Variants in DLG2 observed in about 807,000 individuals in gnomAD.
DLG2 encodes the protein discs large MAGUK scaffold protein 2, also known as disks large homolog 2.
In DLG2, 45 loss-of-function variants were observed where a neutral mutation model predicts 132.5. That is an observed-to-expected ratio of 0.34 (90% confidence interval 0.27 to 0.44). DLG2 has a LOEUF of 0.44. DLG2 is among the 20% of genes least tolerant of loss of function. The probability of loss-of-function intolerance (pLI) is 1.00; values close to 1 mark genes in which losing one functional copy is unlikely to be tolerated. For missense variants in DLG2, 1,045 were observed against 1,196.9 expected, an observed-to-expected ratio of 0.87 and a Z score of 1.87; for synonymous variants, 424 against 419.6, an observed-to-expected ratio of 1.01 and a Z score of -0.13.
chr11:85,411,064 A>G (rs1245990019), intron 3 of DLG2, among the ~76,000 whole-genome samples: 1 of 151,830 alleles, frequency 6.6e-6, no homozygotes, highest in African/African-American at 2.4e-5. Context: ...GGTAAGTGAA[A>G]GGGAAATAAA....
chr11:85,484,729 T>C (rs1355685510), intron 3 of DLG2, among the ~76,000 whole-genome samples: 2 of 150,608 alleles, frequency 1.3e-5, no homozygotes, highest in African/African-American at 2.4e-5. Context: ...TGTGGAGAAA[T>C]AGGAACACTT....
At chr11:85,371,777 C>T (rs529196561) in intron 3 of DLG2, among the ~76,000 whole-genome samples, 1 of 152,308 alleles carries the variant, frequency 6.6e-6, no homozygotes, top group Admixed American at 6.5e-5. Flanking sequence ...AAGATGAAAA[C>T]CCATGGCTGG....
chr11:84,568,159 C>A, intron 6 of DLG2, among the ~76,000 whole-genome samples: 1 of 152,136 alleles, frequency 6.6e-6, no homozygotes, highest in South Asian at 2.1e-4. Flanking sequence ...GATAAGTAAC[C>A]AGTGCATGGA....
At chr11:83,723,634 C>A (rs1400095078) in intron 18 of DLG2, among the ~76,000 whole-genome samples, 1 of 152,130 alleles carries the variant, frequency 6.6e-6, no homozygotes, top group Non-Finnish European at 1.5e-5. Context: ...GCAGGTGGAT[C>A]ACCCGAGGTC....
At chr11:85,413,856 T>G (rs1272588094) in intron 3 of DLG2, among the ~76,000 whole-genome samples, 1 of 152,110 alleles carries the variant, frequency 6.6e-6, no homozygotes, top group Non-Finnish European at 1.5e-5. Context: ...TTTGTTATTT[T>G]TGCTTAGTCT....
Position 85,306,616 on chromosome 11 carries a change from G to C in DLG2, c.41-21251C>G, listed in dbSNP as rs2079960380. On this transcript the variant is annotated intron_variant, in intron 3 of 27. Transcript: ENST00000376104. The stretch of plus-strand genomic sequence containing the variant: ...GACGGAGTCTTGCTCTGTGGCCCAG[G>C]CTGGAATGCAGTGGTACGATCTTGG... Among the ~76,000 whole-genome samples the C allele has an allele frequency of 2.0e-5, 3 of 152,160 alleles. No individual in the cohort carries two copies. In the South Asian group the frequency reaches 6.2e-4, roughly 32 times the overall value.
At chr11:85,479,918 T>A (rs149042471) in intron 3 of DLG2, among the ~76,000 whole-genome samples, 64 of 152,298 alleles carry the variant, frequency 4.2e-4, no homozygotes, top group African/African-American at 1.5e-3. Flanking sequence ...AGAATACCAA[T>A]CATACTGGAT....
At chr11:84,714,625 C>CTT (rs2060957981) in intron 6 of DLG2, among the ~76,000 whole-genome samples, 1 of 104,512 alleles carries the variant, frequency 9.6e-6, no homozygotes, top group Admixed American at 9.3e-5. Context: ...CTTTCTCTTT[C>CTT]TCTCTCTCTC....
intron 6 of DLG2, among the ~76,000 whole-genome samples, chr11:85,016,565 T>C (rs1436900378): frequency 6.6e-6 from 1 of 152,142 alleles, no homozygotes. Flanking sequence ...ATACTGCATC[T>C]GGTCTCTCTC....
chr11:84,157,677 C>T (rs922201186), intron 9 of DLG2, among the ~76,000 whole-genome samples: 7 of 152,168 alleles, frequency 4.6e-5, no homozygotes, highest in African/African-American at 7.2e-5. Context: ...TTACTTCATG[C>T]GGACCACATA....
At chr11:84,326,798 A>G (rs1238522023) in intron 7 of DLG2, among the ~76,000 whole-genome samples, 1 of 152,172 alleles carries the variant, frequency 6.6e-6, no homozygotes, top group African/African-American at 2.4e-5. Flanking sequence ...TACTCTGTCC[A>G]TTATTGAAAG....
At chr11:85,323,943 T>C (rs531336766) in intron 3 of DLG2, among the ~76,000 whole-genome samples, 2 of 152,202 alleles carry the variant, frequency 1.3e-5, no homozygotes, top group African/African-American at 2.4e-5. Flanking sequence ...GGCTCAGCCC[T>C]CCTGTCACTT....
chr11:83,878,855 G>T (rs1013744741), intron 15 of DLG2, among the ~76,000 whole-genome samples: 2 of 152,116 alleles, frequency 1.3e-5, no homozygotes, highest in African/African-American at 4.8e-5. Flanking sequence ...CTTGGCTGAG[G>T]TACTAAATTG....
At chr11:84,621,253 G>A (rs1217426484) in intron 6 of DLG2, among the ~76,000 whole-genome samples, 2 of 152,036 alleles carry the variant, frequency 1.3e-5, no homozygotes, top group African/African-American at 4.8e-5. Flanking sequence ...TAAAAACTAT[G>A]GAAGTTTCTT....
chr11:84,912,530 C>G (rs779832782), intron 6 of DLG2, among the ~76,000 whole-genome samples: 1 of 152,226 alleles, frequency 6.6e-6, no homozygotes, highest in African/African-American at 2.4e-5. Context: ...AAGCCTTGCT[C>G]ATGATACAAG....
At chr11:84,395,513 C>T (rs1304072726) in intron 7 of DLG2, among the ~76,000 whole-genome samples, 1 of 152,080 alleles carries the variant, frequency 6.6e-6, no homozygotes, top group Non-Finnish European at 1.5e-5. Flanking sequence ...ACTTCCAAAG[C>T]TTAAACAATC....
intron 3 of DLG2, among the ~76,000 whole-genome samples, chr11:85,438,743 T>C (rs1465374925): frequency 1.3e-5 from 2 of 152,190 alleles, no homozygotes; most frequent in South Asian, 2.1e-4. Context: ...TTTTATCATG[T>C]ACGTAGGTTC....
chr11:84,872,349 C>T (rs1273964652), intron 6 of DLG2, among the ~76,000 whole-genome samples: 2 of 152,140 alleles, frequency 1.3e-5, no homozygotes, highest in Non-Finnish European at 2.9e-5. Context: ...GATTCATTCC[C>T]TTATAAAACA....
intron 17 of DLG2, among the ~76,000 whole-genome samples, chr11:83,825,582 G>T (rs964496664): frequency 4.6e-5 from 7 of 152,034 alleles, no homozygotes; most frequent in Admixed American, 4.6e-4. Flanking sequence ...GAGTTCTCTG[G>T]TCCCTTTTAG....
Sources: gnomAD v4.1 joint callset for allele counts (sites outside exome capture counted in the v4.1 genomes callset) on GRCh38, gnomAD v4.1.1 for gene constraint, MANE v1.5 for transcripts, NCBI Gene and HGNC (gene_info 2026-07-23, HGNC 2026-07-21) for gene names.